Variants in NOS2 observed in about 807,000 individuals in gnomAD.
The protein encoded by NOS2 is nitric oxide synthase 2, also known as nitric oxide synthase, inducible.
A neutral mutation model predicts 136.0 loss-of-function variants in NOS2; 96 were observed. That is an observed-to-expected ratio of 0.71 (90% confidence interval 0.60 to 0.84). NOS2 has a LOEUF of 0.84. Among genes scored for constraint, NOS2 ranks in the 40% least tolerant of loss-of-function variants. NOS2 has a pLI of 0.00. For synonymous variants in NOS2, 539 were observed against 587.5 expected (o/e 0.92, Z 1.20); for missense variants, 1,237 against 1,496.9 (o/e 0.83, Z 2.87).
intron 25 of NOS2, among the ~76,000 whole-genome samples, 153 bp downstream of exon 25, chr17:27,759,877 T>C (rs1018792291): frequency 6.6e-6 from 1 of 152,178 alleles, no homozygotes; most frequent in African/African-American, 2.4e-5. Flanking sequence ...GAGGGTGTAA[T>C]GCTCTTCACA....
intron 2 of NOS2, among the ~76,000 whole-genome samples, chr17:27,798,392 CA>C (rs1198697443): frequency 1.3e-5 from 2 of 151,788 alleles, no homozygotes. Context: ...CCATGGTGCC[CA>C]CCACGAGGCT....
Position 27,760,789 on chromosome 17 carries a change from G to A in NOS2, c.2889-45C>T, listed in dbSNP as rs200922106. 1,130 of 1,534,026 alleles carry A rather than the reference G, an allele frequency of 7.4e-4. 3 individuals are homozygous for A. The highest frequency in any genetic ancestry group is 9.0e-4 in the Non-Finnish European group (1,025 of 1,137,366). ...AGGGGGCCAGTCCTCAGACACCCCA[G>A]GCCCACGCACACACAGGATGGCTGG... is the stretch of plus-strand genomic sequence containing the variant. On this transcript the variant is annotated intron_variant, in intron 23 of 26. Coordinates refer to ENST00000313735, the MANE Select transcript of NOS2 (RefSeq NM_000625.4).
In NOS2 at chr17:27,789,611, G is replaced by A. The variant is rs141421929; in HGVS notation, c.188C>T (p.Thr63Met). ...CCCATGTGACTCACTGACCTTTCCC[G>A]TCTCCACGAGGGGCTGCGGGGACTC... ...QNESPQPLVE[T>M]GKKSPESLVK... is the part of the protein sequence containing the mutation. The change falls in exon 3 of 27, where the codon ACG becomes ATG. Residue 63 changes from threonine to methionine, a missense_variant. By Grantham distance (81) the Thr-to-Met change is moderately conservative. Around this residue, in one of 3 missense-constraint regions of NOS2, gnomAD observed 440 missense variants for 545.4 expected, o/e 0.81. Transcript: ENST00000313735. The A allele has an allele frequency of 1.8e-4, 284 of 1,613,106 alleles. No individual in the cohort carries two copies. The highest frequency in any genetic ancestry group is 2.1e-4 in the Non-Finnish European group (251 of 1,179,224).
rs1311680019 is a variant in NOS2 at position 27,778,792 on chromosome 17, C to T, written c.1180-1G>A. On this transcript the variant is annotated splice_acceptor_variant, in intron 10 of 26. Transcript: ENST00000313735. LOFTEE classifies it high-confidence loss of function. ...CCAGGCCCATTCTCCTGCCCACTTC[C>T]TACAGAGGCAGAGTGATAGCGGCGA... 1 of 1,614,130 alleles carries T rather than the reference C, an allele frequency of 6.2e-7. No homozygotes were observed. Among genetic ancestry groups the T allele is most frequent in the South Asian group, 1.1e-5 (1 of 91,080 alleles).
At chr17:27,775,171 C>G (rs1279822845) in intron 11 of NOS2, among the ~76,000 whole-genome samples, 2 of 152,178 alleles carry the variant, frequency 1.3e-5, no homozygotes, top group African/African-American at 4.8e-5. Context: ...ATATGAATTC[C>G]TATAATGGCC....
In NOS2 at chr17:27,757,180, A is replaced by G. The variant is rs3201742; in HGVS notation, c.*66T>C. On this transcript the variant is annotated 3_prime_UTR_variant, in exon 27 of 27. Coordinates refer to ENST00000313735, the MANE Select transcript of NOS2 (RefSeq NM_000625.4). ...CCATCTCCCCAGGCCCTGTGACCTC[A>G]GATAATGCAGAGCTGGCTCCATCCT... 6 of 1,294,632 alleles carry G rather than the reference A, an allele frequency of 4.6e-6. 1 individual carries two copies. The highest frequency in any genetic ancestry group is 2.3e-5 in the East Asian group (1 of 42,720). 80.2% of individuals were successfully genotyped at this position (1,294,632 alleles called of 1,614,324 possible). A position where few individuals can be genotyped will look rare whatever the true frequency, so the allele number is the denominator to read the frequency against.
At position 27,781,059 on chromosome 17, in the gene NOS2, G is replaced by A. The variant is rs749471158; in HGVS notation, c.841C>T (p.Pro281Ser). The change falls in exon 8 of 27, where the codon CCT (proline) becomes TCT (serine). Residue 281 changes from proline to serine, a missense_variant. By Grantham distance (74) the Pro-to-Ser change is moderately conservative. Coordinates refer to ENST00000313735, the MANE Select transcript of NOS2 (RefSeq NM_000625.4). Reference sequence around the variant, plus strand: ...ACCTGAGTGAATTCCACGTTGGCAGGGTCCCCTCTGATGCTGCCATCTGGC... The same window carrying A: ...ACCTGAGTGAATTCCACGTTGGCAGAGTCCCCTCTGATGCTGCCATCTGGC... Reference protein sequence around the residue: ...QMPDGSIRGDPANVEFTQLCI... With the variant: ...QMPDGSIRGDSANVEFTQLCI... The A allele has an allele frequency of 2.5e-6, 4 of 1,613,796 alleles. No individual in the cohort carries two copies. The Admixed American group carries it at 6.7e-5, about 27-fold the overall frequency.
At chr17:27,771,863 G>A (rs566624825) in intron 14 of NOS2, among the ~76,000 whole-genome samples, 241 of 152,380 alleles carry the variant, frequency 1.6e-3, no homozygotes, top group African/African-American at 5.1e-3. Flanking sequence ...GGTCCAGCAC[G>A]TGGCCACCAT....
At position 27,760,227 on chromosome 17, in the gene NOS2, C is replaced by A. The variant is rs201191201; in HGVS notation, c.3011-49G>T. The A allele has an allele frequency of 3.3e-5, 50 of 1,496,588 alleles. No homozygotes were observed. The African/African-American group carries it at 4.9e-4, about 15-fold the overall frequency. 92.7% of individuals were successfully genotyped at this position (1,496,588 alleles called of 1,614,324 possible). A position where few individuals can be genotyped will look rare whatever the true frequency, so the allele number is the denominator to read the frequency against. On this transcript the variant is annotated intron_variant, in intron 24 of 26. Transcript: ENST00000313735. The stretch of plus-strand genomic sequence containing the variant: ...TACCATGTTGGCCACCAGAGGGCGC[C>A]AGGGCTCCAAGCCCAACTGGAATTC...
chr17:27,773,465 G>T (rs542677281), intron 12 of NOS2, among the ~76,000 whole-genome samples: 1 of 152,214 alleles, frequency 6.6e-6, no homozygotes, highest in Non-Finnish European at 1.5e-5. Flanking sequence ...CACATCGAGG[G>T]GGGGCGGCTA....
At chr17:27,784,173 C>CCAACAA (rs61238787) in intron 5 of NOS2, among the ~76,000 whole-genome samples, 1 of 151,224 alleles carries the variant, frequency 6.6e-6, no homozygotes, top group African/African-American at 2.4e-5. Context: ...ACCACCACCA[C>CCAACAA]CAACAACAAC....
At chr17:27,782,131 C>T in intron 6 of NOS2, 25 bp from the exon 7 acceptor site, 1 of 1,606,370 alleles carries the variant, frequency 6.2e-7, no homozygotes, top group Non-Finnish European at 8.5e-7. Context: ...CCAGACCATG[C>T]CCATCAAAGA....
intron 5 of NOS2, among the ~76,000 whole-genome samples, chr17:27,786,412 G>A (rs1490615873): frequency 6.6e-6 from 1 of 152,112 alleles, no homozygotes; most frequent in Non-Finnish European, 1.5e-5. Context: ...GGCAACAAGA[G>A]CAAAACTCCA....
In NOS2 at chr17:27,767,686, G is replaced by A; in HGVS notation, c.2167+19C>T. ...ACCCCAACACAAACAAGCCCCATGT[G>A]CTGCAGAGAAGCAGGTACCTTTGCT... On this transcript the variant is annotated intron_variant, in intron 18 of 26. Coordinates refer to ENST00000313735, the MANE Select transcript of NOS2 (RefSeq NM_000625.4). 6.2e-7 allele frequency: 1 copy of A among 1,612,462 alleles called. No homozygotes were observed. The highest frequency in any genetic ancestry group is 8.5e-7 in the Non-Finnish European group (1 of 1,179,580).
chr17:27,790,510 A>T (rs1909154239), intron 2 of NOS2, among the ~76,000 whole-genome samples: 1 of 152,232 alleles, frequency 6.6e-6, no homozygotes, highest in African/African-American at 2.4e-5. Context: ...AGTAGAGAGA[A>T]TAGTCTAATA....
In NOS2 at chr17:27,766,512, G is replaced by A. The variant is rs1159014300; in HGVS notation, c.2244C>T (p.Ser748=). ...KSRQNLQSPT[S]SRATILVELS... is the part of the protein sequence containing the mutation. ...CGAAGCCCTGCACTTTCCCTTACCTGGATGTCGGACTTTGTAGATTCTGCC... is the reference window on the plus strand; with the variant it reads ...CGAAGCCCTGCACTTTCCCTTACCTAGATGTCGGACTTTGTAGATTCTGCC... Residue 748 remains serine, a splice_region_variant and synonymous_variant, in exon 19 of 27, where the codon TCC becomes TCT. Transcript: ENST00000313735. 1 of 1,613,214 alleles carries A rather than the reference G, an allele frequency of 6.2e-7. No homozygotes were observed. The highest frequency in any genetic ancestry group is 8.5e-7 in the Non-Finnish European group (1 of 1,179,290).
At chr17:27,762,563 A>G (rs559125963) in intron 22 of NOS2, among the ~76,000 whole-genome samples, 36 of 152,350 alleles carry the variant, frequency 2.4e-4, no homozygotes, top group African/African-American at 8.4e-4. Context: ...TGCCACCTGT[A>G]AAATGCACAC....
In NOS2 at chr17:27,769,551, G is replaced by T; in HGVS notation, c.1843C>A (p.Leu615Ile). The change falls in exon 16 of 27, where the codon CTC becomes ATC. Residue 615 changes from leucine to isoleucine, a missense_variant. Physicochemically the swap from Leu to Ile is conservative, Grantham distance 5. Around this residue, in one of 3 missense-constraint regions of NOS2, gnomAD observed 782 missense variants for 909.9 expected, o/e 0.86. Transcript: ENST00000313735. ...AAGCTTTACCTGAATTTGTTGTTGA[G>T]CTCTTTCAGCATGAAGAGCGATTTC... The part of the protein sequence containing the change: ...LKKSLFMLKE[L>I]NNKFRYAVFG... 6.2e-7 allele frequency: 1 copy of T among 1,613,630 alleles called. No individual in the cohort carries two copies. Among genetic ancestry groups the T allele is most frequent in the Non-Finnish European group, 8.5e-7 (1 of 1,179,548 alleles).
In NOS2 at chr17:27,765,599, C is replaced by T; in HGVS notation, c.2364G>A (p.Leu788=). Residue 788 remains leucine (L), a synonymous_variant, in exon 20 of 27, where the codon CTG becomes CTA. Transcript: ENST00000313735. Reference sequence around the variant, plus strand: ...GTGTGGGGCCATCCACCACTCGCTCCAGGATACCTTGGACCAGGGCCGGCT... The same window carrying T: ...GTGTGGGGCCATCCACCACTCGCTCTAGGATACCTTGGACCAGGGCCGGCT... ...GNQPALVQGI[L]ERVVDGPTPH... The T allele has an allele frequency of 6.2e-7, 1 of 1,612,736 alleles. No homozygotes were observed. The highest frequency in any genetic ancestry group is 8.5e-7 in the Non-Finnish European group (1 of 1,179,892).
Sources: allele counts gnomAD v4.1 joint callset (sites outside exome capture counted in the v4.1 genomes callset), GRCh38; gene constraint gnomAD v4.1.1; regional missense constraint gnomAD v4.1.1; transcripts MANE v1.5; gene names NCBI Gene and HGNC (gene_info 2026-07-23, HGNC 2026-07-21).